RBFOX1: variants seen among roughly 807,000 people sequenced by gnomAD.
RBFOX1 encodes the protein RNA binding fox-1 homolog 1.
Under a neutral mutation model 57.7 loss-of-function variants are expected in RBFOX1, and 8 were observed. The ratio of observed to expected loss-of-function variants is 0.14; its 90% CI spans 0.08 to 0.25. RBFOX1 has a LOEUF of 0.25. Among genes scored for constraint, RBFOX1 ranks in the 10% least tolerant of loss-of-function variants. The pLI, the probability that RBFOX1 is intolerant of heterozygous loss-of-function variation, is 1.00. For synonymous variants in RBFOX1, 326 were observed against 222.4 expected, an observed-to-expected ratio of 1.47 and a Z score of -4.15; for missense variants, 611 against 548.5, an observed-to-expected ratio of 1.11 and a Z score of -1.14.
At position 5,250,013 on chromosome 16, in the gene RBFOX1, G is replaced by A. The variant is rs60997449; in HGVS notation, c.219+9908G>A. On this transcript the variant is annotated intron_variant, in intron 1 of 2. Coordinates refer to the RBFOX1 transcript ENST00000585867. ...GAGGAGGAGGTTGCAGTGAGGAGGA[G>A]GTTGCAGTAAGGAGGAGGTTGCAGT... 7.3e-5 allele frequency among the ~76,000 whole-genome samples: 11 copies of A among 151,124 alleles called. 1 individual carries two copies. The highest frequency in any genetic ancestry group is 5.9e-4 in the Admixed American group (9 of 15,142).
intron 4 of RBFOX1, among the ~76,000 whole-genome samples, chr16:7,218,960 G>C (rs2092498727): frequency 6.6e-6 from 1 of 152,106 alleles, no homozygotes; most frequent in South Asian, 2.1e-4. Context: ...TAGCAGAGCT[G>C]ATATTGCTGG....
At chr16:6,765,349 A>C (rs1024020813) in intron 3 of RBFOX1, among the ~76,000 whole-genome samples, 1 of 152,168 alleles carries the variant, frequency 6.6e-6, no homozygotes, top group Admixed American at 6.5e-5. Context: ...AATAATAGCA[A>C]ATACGGCTTG....
intron 2 of RBFOX1, among the ~76,000 whole-genome samples, chr16:6,632,959 C>G (rs769802115): frequency 1.5e-4 from 23 of 152,094 alleles, no homozygotes; most frequent in Non-Finnish European, 2.6e-4. Flanking sequence ...TGTTTGGGTT[C>G]TGGCAGAGGT....
At chr16:7,689,076 C>A (rs1038014099) in intron 14 of RBFOX1, among the ~76,000 whole-genome samples, 2 of 152,096 alleles carry the variant, frequency 1.3e-5, no homozygotes, top group Middle Eastern at 3.4e-3. Context: ...TCGTCATCTA[C>A]AAGACGAGGA....
chr16:6,873,554 G>T (rs1477277473), intron 3 of RBFOX1, among the ~76,000 whole-genome samples: 5 of 152,040 alleles, frequency 3.3e-5, no homozygotes, highest in African/African-American at 1.2e-4. Flanking sequence ...TTAAAAAAAA[G>T]AACAACTTTG....
intron 3 of RBFOX1, among the ~76,000 whole-genome samples, chr16:5,857,654 A>G (rs1034281785): frequency 2.0e-5 from 3 of 151,956 alleles, no homozygotes; most frequent in Non-Finnish European, 4.4e-5. Context: ...TATTTTTTCC[A>G]TTATAGAAAA....
chr16:6,562,202 G>A (rs534360745), intron 2 of RBFOX1, among the ~76,000 whole-genome samples: 2 of 152,304 alleles, frequency 1.3e-5, no homozygotes, highest in Admixed American at 1.3e-4. Context: ...GATGACTTGG[G>A]TGCCAGCCCT....
At chr16:7,047,711 C>G (rs559274563) in intron 3 of RBFOX1, among the ~76,000 whole-genome samples, 1 of 85,986 alleles carries the variant, frequency 1.2e-5, no homozygotes, top group African/African-American at 4.9e-5. Context: ...ACAGGTCCTG[C>G]ATTTCTTTTT....
chr16:6,987,646 C>G (rs1050916275), intron 3 of RBFOX1, among the ~76,000 whole-genome samples: 1 of 152,118 alleles, frequency 6.6e-6, no homozygotes, highest in Non-Finnish European at 1.5e-5. Flanking sequence ...TAGCTCATGA[C>G]TGGGGCCTCC....
intron 3 of RBFOX1, among the ~76,000 whole-genome samples, chr16:6,742,238 C>G (rs768256432): frequency 6.6e-6 from 1 of 152,032 alleles, no homozygotes; most frequent in Non-Finnish European, 1.5e-5. Context: ...GGAAAGAATT[C>G]GGCATTACTA....
chr16:5,472,426 C>T (rs1394991279), intron 2 of RBFOX1, among the ~76,000 whole-genome samples: 3 of 152,112 alleles, frequency 2.0e-5, no homozygotes, highest in Non-Finnish European at 4.4e-5. Context: ...GTTAGATAGG[C>T]GAATAACCTT....
chr16:5,682,990 C>G (rs1438493793), intron 3 of RBFOX1, among the ~76,000 whole-genome samples: 1 of 152,194 alleles, frequency 6.6e-6, no homozygotes, highest in Admixed American at 6.5e-5. Context: ...TCTTTAACCT[C>G]TCTGAACCTT....
intron 3 of RBFOX1, among the ~76,000 whole-genome samples, chr16:6,991,357 C>T (rs770834964): frequency 5.9e-5 from 9 of 152,070 alleles, no homozygotes; most frequent in Admixed American, 5.9e-4. Flanking sequence ...TCTGTATGTA[C>T]AGGCCCTGGA....
chr16:7,265,068 A>G (rs545738631), intron 4 of RBFOX1, among the ~76,000 whole-genome samples: 1 of 152,344 alleles, frequency 6.6e-6, no homozygotes, highest in African/African-American at 2.4e-5. Context: ...TGAGTATAAT[A>G]AGCTCCCAGA....
At chr16:6,317,391 TC>T (rs956474735) in intron 2 of RBFOX1, among the ~76,000 whole-genome samples, 2 of 152,004 alleles carry the variant, frequency 1.3e-5, no homozygotes, top group African/African-American at 4.8e-5. Context: ...AGACATTCTG[TC>T]CCCCTTCTGA....
intron 3 of RBFOX1, among the ~76,000 whole-genome samples, chr16:5,644,502 T>G (rs1231750102): frequency 6.6e-6 from 1 of 152,158 alleles, no homozygotes; most frequent in Non-Finnish European, 1.5e-5. Context: ...CACCTTAAAG[T>G]CCAGAACCAC....
intron 3 of RBFOX1, among the ~76,000 whole-genome samples, chr16:5,645,448 G>T (rs531388400): frequency 6.6e-6 from 1 of 152,160 alleles, no homozygotes; most frequent in East Asian, 1.9e-4. Flanking sequence ...GAGTGATAAT[G>T]TTTGGGAATT....
chr16:5,655,642 T>C (rs2049402132), intron 3 of RBFOX1, among the ~76,000 whole-genome samples: 1 of 152,216 alleles, frequency 6.6e-6, no homozygotes, highest in South Asian at 2.1e-4. Flanking sequence ...TGTGTCTTTG[T>C]TCAAGCTTTG....
In RBFOX1 at chr16:6,844,514, T is replaced by A. The variant is rs142514645; in HGVS notation, c.-16+189864T>A. ...TATGTCTCTGCAGAAGATATGACCT[T>A]ATTCTTTTTTATGGCTGCATAGTAT... On this transcript the variant is annotated intron_variant, in intron 3 of 15. Transcript: ENST00000550418. Among the ~76,000 whole-genome samples the A allele has an allele frequency of 5.1e-3, 784 of 152,304 alleles. 6 individuals are homozygous for A. The highest frequency in any genetic ancestry group is 8.1e-3 in the Non-Finnish European group (549 of 68,022).
Sources: gnomAD v4.1 joint callset for allele counts (sites outside exome capture counted in the v4.1 genomes callset) on GRCh38, gnomAD v4.1.1 for gene constraint, MANE v1.5 for transcripts, NCBI Gene and HGNC (gene_info 2026-07-23, HGNC 2026-07-21) for gene names.